DMD: variants seen among roughly 807,000 people sequenced by gnomAD.
The protein encoded by DMD is dystrophin.
In DMD, 63 loss-of-function variants were observed where a neutral mutation model predicts 330.1. The ratio of observed to expected loss-of-function variants is 0.19; its 90% confidence interval spans 0.16 to 0.24. The LOEUF is 0.24. Ranked by LOEUF, DMD falls within the 10% of genes least tolerant of loss-of-function variation. DMD has a pLI of 1.00. For synonymous variants in DMD, 1,223 were observed against 959.8 expected (o/e 1.27, Z -5.07); for missense variants, 3,344 against 2,684.1 (o/e 1.25, Z -5.43).
chrX:33,191,919 A>G (rs770889915), intron 1 of DMD, among the ~76,000 whole-genome samples: 18 of 112,355 alleles, frequency 1.6e-4, no homozygotes, highest in African/African-American at 5.2e-4. Context: ...TTAAGCAACA[A>G]TCACTAGAGA....
chrX:32,910,128 A>G, intron 2 of DMD, among the ~76,000 whole-genome samples: 1 of 111,996 alleles, frequency 8.9e-6, no homozygotes, highest in Non-Finnish European at 1.9e-5. Context: ...AGAATTGCAC[A>G]CACACACACG....
intron 74 of DMD, among the ~76,000 whole-genome samples, chrX:31,149,154 A>G (rs1325790000): frequency 8.9e-6 from 1 of 112,340 alleles, no homozygotes; most frequent in Non-Finnish European, 1.9e-5. Context: ...TGCCGTGAAC[A>G]TGCGATCTAA....
chrX:31,411,018 G>A (rs1361462508), intron 60 of DMD, among the ~76,000 whole-genome samples: 2 of 103,673 alleles, frequency 1.9e-5, no homozygotes, highest in Non-Finnish European at 3.9e-5. Flanking sequence ...CCCCTGCTTC[G>A]GCCTCCCAAA....
At chrX:32,668,531 A>G (rs774533313) in intron 9 of DMD, among the ~76,000 whole-genome samples, 1 of 112,308 alleles carries the variant, frequency 8.9e-6, no homozygotes, top group South Asian at 3.7e-4. Flanking sequence ...ACATTGCTGT[A>G]GAAGGTGCTA....
At chrX:32,880,699 C>T (rs960297084) in intron 2 of DMD, among the ~76,000 whole-genome samples, 1 of 112,590 alleles carries the variant, frequency 8.9e-6, no homozygotes, top group Non-Finnish European at 1.9e-5. Context: ...AATCCCAGCA[C>T]TTTAGACGGC....
chrX:32,698,877 T>C (rs1603146521), intron 8 of DMD, among the ~76,000 whole-genome samples: 1 of 111,418 alleles, frequency 9.0e-6, no homozygotes, highest in East Asian at 2.8e-4. Context: ...TATATTCCTA[T>C]GATATGGTAC....
At chrX:32,855,431 C>A (rs1292964412) in intron 2 of DMD, among the ~76,000 whole-genome samples, 1 of 111,884 alleles carries the variant, frequency 8.9e-6, no homozygotes, top group East Asian at 2.8e-4. Flanking sequence ...CAGAGCTATA[C>A]TAACCAAAAA....
chrX:32,371,556 A>C (rs183219087), intron 34 of DMD, among the ~76,000 whole-genome samples: 1 of 111,681 alleles, frequency 9.0e-6, no homozygotes, highest in Non-Finnish European at 1.9e-5. Context: ...ACAAAATTAG[A>C]AATAAAATGT....
intron 55 of DMD, among the ~76,000 whole-genome samples, chrX:31,570,989 C>T (rs2075782190): frequency 1.8e-5 from 2 of 111,823 alleles, no homozygotes; most frequent in Admixed American, 1.9e-4. Flanking sequence ...TCTTAAGTTT[C>T]TCAACAATTT....
intron 9 of DMD, among the ~76,000 whole-genome samples, chrX:32,650,438 G>C (rs944066101): frequency 2.7e-5 from 3 of 111,353 alleles, no homozygotes; most frequent in African/African-American, 9.8e-5. Flanking sequence ...TTACCCCTCA[G>C]TAAAAGATTA....
intron 60 of DMD, among the ~76,000 whole-genome samples, chrX:31,373,603 A>C (rs1207961530): frequency 1.9e-5 from 2 of 106,755 alleles, no homozygotes; most frequent in African/African-American, 6.9e-5. Flanking sequence ...GTGCTGGGAA[A>C]ACTGGCTAGC....
At chrX:32,780,257 C>A (rs1041078631) in intron 7 of DMD, among the ~76,000 whole-genome samples, 16 of 112,241 alleles carry the variant, frequency 1.4e-4, no homozygotes, top group Non-Finnish European at 2.4e-4. Context: ...AACTTTTGTA[C>A]CATACATGGA....
intron 1 of DMD, among the ~76,000 whole-genome samples, chrX:33,276,310 T>TA (rs200253941): frequency 0.011 from 1,224 of 111,308 alleles, 20 homozygotes; most frequent in African/African-American, 0.038. Context: ...CTGGAGTATT[T>TA]TTTTTTAATT....
At position 32,518,138 on chromosome X, in the gene DMD, C is replaced by T; in HGVS notation, c.2169-7G>A. 8.3e-7 allele frequency: 1 copy of T among 1,205,074 alleles called. No homozygotes were observed. Among genetic ancestry groups the T allele is most frequent in the African/African-American group, 1.7e-5 (1 of 57,560 alleles). On this transcript the variant is annotated splice_polypyrimidine_tract_variant and splice_region_variant and intron_variant, in intron 17 of 78. Coordinates refer to ENST00000357033, the MANE Select transcript of DMD (RefSeq NM_004006.3). ...AGTTATATCAACATCCAACCTAAGA[C>T]AGCAAAAAATAAAAGTCATTATTTC... is the stretch of plus-strand genomic sequence containing the variant.
intron 9 of DMD, among the ~76,000 whole-genome samples, chrX:32,673,652 G>A (rs1452930246): frequency 9.0e-6 from 1 of 111,679 alleles, no homozygotes; most frequent in Non-Finnish European, 1.9e-5. Flanking sequence ...CTTCCCTAAA[G>A]CACTTTTGTG....
At chrX:31,522,325 T>TTC (rs1193302041) in intron 55 of DMD, among the ~76,000 whole-genome samples, 584 of 51,296 alleles carry the variant, frequency 0.011, 29 homozygotes, top group South Asian at 0.04. Context: ...AGATCAAAAT[T>TTC]TCTCTCTCTC....
intron 49 of DMD, among the ~76,000 whole-genome samples, chrX:31,827,386 A>G (rs775569332): frequency 1.1e-4 from 12 of 112,269 alleles, no homozygotes; most frequent in African/African-American, 2.9e-4. Context: ...ACAGTACTCA[A>G]TTTATATGCA....
chrX:32,128,146 A>C (rs1189635345), intron 44 of DMD, among the ~76,000 whole-genome samples: 2 of 112,532 alleles, frequency 1.8e-5, no homozygotes, highest in African/African-American at 6.4e-5. Flanking sequence ...TAAAACAAGT[A>C]AAATTATATG....
At chrX:31,994,872 C>T (rs944957350) in intron 44 of DMD, among the ~76,000 whole-genome samples, 1 of 112,291 alleles carries the variant, frequency 8.9e-6, no homozygotes, top group African/African-American at 3.2e-5. Flanking sequence ...CTCAATGGAA[C>T]TGCGCTAACA....
Sources: allele counts gnomAD v4.1 joint callset (sites outside exome capture counted in the v4.1 genomes callset), GRCh38; gene constraint gnomAD v4.1.1; transcripts MANE v1.5; gene names NCBI Gene and HGNC (gene_info 2026-07-23, HGNC 2026-07-21).